Variants in TTC29 observed in about 807,000 individuals in gnomAD.
TTC29 encodes the protein tetratricopeptide repeat domain 29.
In TTC29, 49 loss-of-function variants were observed where a neutral mutation model predicts 58.1. The observed-to-expected ratio is 0.84, with a 90% confidence interval of 0.67 to 1.07. The LOEUF (loss-of-function observed/expected upper bound fraction) is 1.07, where lower values mean the gene tolerates loss of function less well. Ranked by LOEUF, TTC29 falls within the 50% of genes least tolerant of loss-of-function variation. The pLI is 0.00. For missense variants in TTC29, 582 were observed against 555.6 expected, an observed-to-expected ratio of 1.05 and a Z score of -0.48; for synonymous variants, 209 against 196.8, an observed-to-expected ratio of 1.06 and a Z score of -0.52.
chr4:146,941,707 T>C (rs1314257677), intron 2 of TTC29, among the ~76,000 whole-genome samples: 1 of 152,194 alleles, frequency 6.6e-6, no homozygotes, highest in Non-Finnish European at 1.5e-5. Flanking sequence ...CTGGCTTTTA[T>C]TCTTATTGAG....
chr4:146,928,013 T>A (rs1236626114), intron 4 of TTC29, among the ~76,000 whole-genome samples: 1 of 152,138 alleles, frequency 6.6e-6, no homozygotes, highest in Non-Finnish European at 1.5e-5. Context: ...GGCAATACAG[T>A]GCTATAAGTG....
At chr4:146,883,074 C>T (rs1377412345) in intron 6 of TTC29, among the ~76,000 whole-genome samples, 2 of 152,074 alleles carry the variant, frequency 1.3e-5, no homozygotes, top group East Asian at 3.8e-4. Context: ...CCTAAATTCA[C>T]ATACTCAGTA....
At chr4:146,790,691 A>AAGTG (rs1749383795) in intron 11 of TTC29, among the ~76,000 whole-genome samples, 1 of 152,182 alleles carries the variant, frequency 6.6e-6, no homozygotes. Context: ...CAGCTTCAGG[A>AAGTG]AGTGAGTATC....
chr4:146,823,953 T>C (rs192411830), intron 9 of TTC29, among the ~76,000 whole-genome samples: 7 of 152,226 alleles, frequency 4.6e-5, no homozygotes, highest in African/African-American at 1.7e-4. Flanking sequence ...ATTGATTTTG[T>C]ATCCTGAGAC....
intron 8 of TTC29, among the ~76,000 whole-genome samples, chr4:146,857,473 C>CGCTGAGCCT (rs1729943213): frequency 6.6e-6 from 1 of 151,952 alleles, no homozygotes; most frequent in Non-Finnish European, 1.5e-5. Context: ...CTGCTGAGAC[C>CGCTGAGCCT]GCTGAGCCTA....
chr4:146,735,966 G>T (rs1282420797), intron 11 of TTC29, among the ~76,000 whole-genome samples: 1 of 152,120 alleles, frequency 6.6e-6, no homozygotes, highest in Non-Finnish European at 1.5e-5. Context: ...AATGGAAACT[G>T]GTGGGGTTAA....
chr4:146,787,036 G>T (rs1378942805), intron 11 of TTC29, among the ~76,000 whole-genome samples: 1 of 152,132 alleles, frequency 6.6e-6, no homozygotes, highest in Non-Finnish European at 1.5e-5. Context: ...CAGGAGGGTT[G>T]CTTGAGCCCG....
At chr4:146,754,561 A>C (rs963430056) in intron 11 of TTC29, among the ~76,000 whole-genome samples, 2 of 152,200 alleles carry the variant, frequency 1.3e-5, no homozygotes, top group Non-Finnish European at 2.9e-5. Context: ...CACATCAAAA[A>C]ATGGTATCTC....
chr4:146,867,592 A>G lies in TTC29; in HGVS notation c.800-9T>C. On this transcript the variant is annotated splice_polypyrimidine_tract_variant and intron_variant, in intron 7 of 12. Coordinates refer to ENST00000325106, the MANE Select transcript of TTC29 (RefSeq NM_031956.4). Reference sequence around the variant, plus strand: ...CATCTTTTTGTCACTTCCTGAAGTGAAGATGTAAAAAAATTACCAAGTATT... The same window carrying G: ...CATCTTTTTGTCACTTCCTGAAGTGGAGATGTAAAAAAATTACCAAGTATT... The G allele has an allele frequency of 3.5e-6, 5 of 1,416,228 alleles. No individual in the cohort carries two copies. The highest frequency in any genetic ancestry group is 4.8e-6 in the Non-Finnish European group (5 of 1,050,652). 87.7% of individuals were successfully genotyped at this position (1,416,228 alleles called of 1,614,324 possible).
At chr4:146,774,653 T>G (rs995822555) in intron 11 of TTC29, among the ~76,000 whole-genome samples, 1 of 152,184 alleles carries the variant, frequency 6.6e-6, no homozygotes, top group African/African-American at 2.4e-5. Context: ...CGGTAGATTT[T>G]AAAATATGCA....
chr4:146,732,347 G>A (rs528790450), intron 11 of TTC29, among the ~76,000 whole-genome samples: 1 of 152,152 alleles, frequency 6.6e-6, no homozygotes, highest in Non-Finnish European at 1.5e-5. Flanking sequence ...GGGAATTTTT[G>A]ATAATTCATA....
intron 7 of TTC29, among the ~76,000 whole-genome samples, chr4:146,873,886 A>C (rs934116747): frequency 2.0e-5 from 3 of 152,158 alleles, no homozygotes; most frequent in Non-Finnish European, 4.4e-5. Flanking sequence ...CAATCAATTA[A>C]ATATATCCAT....
chr4:146,726,335 C>T (rs1460738857), intron 11 of TTC29, among the ~76,000 whole-genome samples: 2 of 152,090 alleles, frequency 1.3e-5, no homozygotes, highest in Non-Finnish European at 2.9e-5. Flanking sequence ...CGCCTGTAAT[C>T]CCCGCTACTC....
At position 146,753,412 on chromosome 4, in the gene TTC29, G is replaced by C. The variant is rs577599119; in HGVS notation, c.1331-45861C>G. On this transcript the variant is annotated intron_variant, in intron 11 of 12. Transcript: ENST00000325106. ...AAACGTCAGGAAACAACAGGTGCTG[G>C]AGAAGATGTGGAGAAATAGGAACAC... 2.0e-5 allele frequency among the ~76,000 whole-genome samples: 3 copies of C among 152,290 alleles called. No individual in the cohort carries two copies. In the South Asian group the frequency reaches 6.2e-4, roughly 32 times the overall value.
intron 11 of TTC29, among the ~76,000 whole-genome samples, chr4:146,737,252 G>A (rs1293864406): frequency 2.0e-5 from 3 of 152,244 alleles, no homozygotes; most frequent in Non-Finnish European, 2.9e-5. Flanking sequence ...GCCCTATGGA[G>A]ATTGGGGGAT....
chr4:146,775,481 T>C (rs972840108), intron 11 of TTC29, among the ~76,000 whole-genome samples: 3 of 152,104 alleles, frequency 2.0e-5, no homozygotes, highest in Non-Finnish European at 4.4e-5. Flanking sequence ...TCTGAAAGTA[T>C]CTTATTTCTC....
At chr4:146,757,802 G>T (rs889015696) in intron 11 of TTC29, among the ~76,000 whole-genome samples, 8 of 151,972 alleles carry the variant, frequency 5.3e-5, no homozygotes, top group Admixed American at 4.6e-4. Flanking sequence ...GCCACTACAA[G>T]CTAAAAAGAG....
intron 10 of TTC29, 106 bp from the exon 11 acceptor site, chr4:146,803,791 C>G (rs7694666): frequency 0.039 from 31,485 of 804,420 alleles, 1,018 homozygotes; most frequent in East Asian, 0.14. Context: ...TCGACAGTTA[C>G]AGCAGTTCAT....
intron 2 of TTC29, 38 bp downstream of exon 2, chr4:146,944,993 A>C (rs1257260856): frequency 6.6e-6 from 1 of 152,244 alleles, no homozygotes; most frequent in Non-Finnish European, 1.5e-5. Context: ...TCAAGCAGGA[A>C]ATGAGTTTGA....
Sources: gnomAD v4.1 joint callset for allele counts (sites outside exome capture counted in the v4.1 genomes callset) on GRCh38, gnomAD v4.1.1 for gene constraint, MANE v1.5 for transcripts, NCBI Gene and HGNC (gene_info 2026-07-23, HGNC 2026-07-21) for gene names.